The following UBAC2 variants were observed in gnomAD, a reference collection of about 807,000 sequenced individuals.
UBAC2 encodes the protein UBA domain containing 2.
Under a neutral mutation model 44.0 loss-of-function variants are expected in UBAC2, and 26 were observed. The observed-to-expected ratio is 0.59, with a 90% CI of 0.43 to 0.82. UBAC2 has a LOEUF of 0.82. Ranked by LOEUF, UBAC2 falls within the 40% of genes least tolerant of loss-of-function variation. The pLI, the probability that UBAC2 is intolerant of heterozygous loss-of-function variation, is 0.00. For synonymous variants in UBAC2, 155 were observed against 154.3 expected, an observed-to-expected ratio of 1.00 and a Z score of -0.04; for missense variants, 329 against 419.4, an observed-to-expected ratio of 0.78 and a Z score of 1.88.
At chr13:99,376,961 T>G (rs1013472751) in intron 8 of UBAC2, 3 of 152,242 alleles carry the variant, frequency 2.0e-5, no homozygotes, top group Non-Finnish European at 4.4e-5. Flanking sequence ...ACTGACGAAG[T>G]TGCAGTATGC....
At chr13:99,329,333 A>G (rs939992704) in intron 6 of UBAC2, among the ~76,000 whole-genome samples, 5 of 152,210 alleles carry the variant, frequency 3.3e-5, no homozygotes, top group Non-Finnish European at 7.3e-5. Context: ...AAAAAAGGGG[A>G]AAAGAGTTAA....
chr13:99,281,495 C>T (rs775084549), intron 4 of UBAC2, among the ~76,000 whole-genome samples: 8 of 152,164 alleles, frequency 5.3e-5, no homozygotes, highest in African/African-American at 1.9e-4. Flanking sequence ...AGCAAGCACA[C>T]GCCAGGCTCA....
intron 4 of UBAC2, among the ~76,000 whole-genome samples, chr13:99,289,178 T>G (rs900331486): frequency 2.0e-5 from 3 of 152,242 alleles, no homozygotes; most frequent in African/African-American, 7.2e-5. Context: ...AGTGTCTTTT[T>G]TCTTCCTTTG....
chr13:99,257,954 A>AT (rs920868444), intron 4 of UBAC2, among the ~76,000 whole-genome samples: 1 of 152,142 alleles, frequency 6.6e-6, no homozygotes, highest in East Asian at 1.9e-4. Flanking sequence ...AATTAAATAT[A>AT]TTTTTTTAAT....
chr13:99,378,234 C>CT (rs2045507129), intron 8 of UBAC2, among the ~76,000 whole-genome samples: 1 of 152,210 alleles, frequency 6.6e-6, no homozygotes, highest in Admixed American at 6.5e-5. Context: ...ATATTAAAAA[C>CT]TTCAATATCT....
intron 1 of UBAC2, among the ~76,000 whole-genome samples, chr13:99,208,051 G>A (rs933996043): frequency 1.4e-5 from 2 of 143,694 alleles, no homozygotes; most frequent in African/African-American, 5.2e-5. Flanking sequence ...AGGCTGGAGT[G>A]CAATGGCGTG....
chr13:99,338,039 C>CTTTTTT (rs747905404), intron 6 of UBAC2, among the ~76,000 whole-genome samples: 4 of 91,560 alleles, frequency 4.4e-5, no homozygotes, highest in African/African-American at 1.0e-4. Context: ...AACTTTTTTT[C>CTTTTTT]TTTTTTTCTT....
At chr13:99,367,145 C>T (rs1342278828) in intron 7 of UBAC2, among the ~76,000 whole-genome samples, 1 of 152,170 alleles carries the variant, frequency 6.6e-6, no homozygotes, top group Admixed American at 6.5e-5. Context: ...TGTCAGTCTT[C>T]AGGATCCGTG....
intron 1 of UBAC2, among the ~76,000 whole-genome samples, chr13:99,206,705 G>A (rs942425786): frequency 9.2e-5 from 14 of 152,326 alleles, no homozygotes; most frequent in African/African-American, 2.9e-4. Flanking sequence ...CCTTGGCACC[G>A]TTTCTCAGCT....
chr13:99,212,425 T>G (rs901988029), intron 1 of UBAC2, among the ~76,000 whole-genome samples: 6 of 152,250 alleles, frequency 3.9e-5, no homozygotes, highest in Admixed American at 3.9e-4. Context: ...TGCCATTGTT[T>G]CAGTCATTTC....
intron 2 of UBAC2, among the ~76,000 whole-genome samples, chr13:99,241,529 T>C (rs907459190): frequency 6.6e-6 from 1 of 152,100 alleles, no homozygotes; most frequent in Non-Finnish European, 1.5e-5. Flanking sequence ...ACATGAGGTA[T>C]CTAATATAAG....
At chr13:99,355,870 A>T (rs2045172962) in intron 7 of UBAC2, among the ~76,000 whole-genome samples, 1 of 152,214 alleles carries the variant, frequency 6.6e-6, no homozygotes, top group African/African-American at 2.4e-5. Context: ...TGGCTGAGCC[A>T]TGTGCATCCC....
chr13:99,268,906 C>G (rs1309945983), intron 4 of UBAC2, among the ~76,000 whole-genome samples: 4 of 152,066 alleles, frequency 2.6e-5, no homozygotes, highest in African/African-American at 9.7e-5. Context: ...GCATTGCTTA[C>G]CCCAGAGAGA....
At chr13:99,242,708 C>A (rs368541419) in intron 2 of UBAC2, among the ~76,000 whole-genome samples, 1 of 135,884 alleles carries the variant, frequency 7.4e-6, no homozygotes, top group Non-Finnish European at 1.6e-5. Flanking sequence ...CCCTCCCCGA[C>A]GGGGCGGCTG....
chr13:99,378,463 G>T (rs9517703), intron 8 of UBAC2, among the ~76,000 whole-genome samples: 3,031 of 152,252 alleles, frequency 0.02, 62 homozygotes, highest in Middle Eastern at 0.078. Context: ...GGAGGTGGAG[G>T]TTGCAGTGAG....
At chr13:99,253,500 G>T (rs1186177613) in intron 4 of UBAC2, among the ~76,000 whole-genome samples, 1 of 151,814 alleles carries the variant, frequency 6.6e-6, no homozygotes, top group Non-Finnish European at 1.5e-5. Context: ...ATTTACCTAT[G>T]TTATTTCCAG....
At chr13:99,238,054 A>G (rs529594981) in intron 1 of UBAC2, among the ~76,000 whole-genome samples, 1 of 152,390 alleles carries the variant, frequency 6.6e-6, no homozygotes, top group Admixed American at 6.5e-5. Flanking sequence ...GTATTTTTAT[A>G]TATGTATGAG....
At chr13:99,211,762 G>A (rs555776388) in intron 1 of UBAC2, among the ~76,000 whole-genome samples, 11 of 152,302 alleles carry the variant, frequency 7.2e-5, no homozygotes, top group South Asian at 2.1e-4. Context: ...GTTTATCTCC[G>A]TGTGTCTCCC....
chr13:99,338,047 CTTTTTT>C (rs869112086), intron 6 of UBAC2, among the ~76,000 whole-genome samples: 11 of 48,868 alleles, frequency 2.3e-4, no homozygotes, highest in South Asian at 1.7e-3. Context: ...TTCTTTTTTT[CTTTTTT>C]TTTTTTTTTT....
Sources: gnomAD v4.1 joint callset for allele counts (sites outside exome capture counted in the v4.1 genomes callset) on GRCh38, gnomAD v4.1.1 for gene constraint, MANE v1.5 for transcripts, NCBI Gene and HGNC (gene_info 2026-07-23, HGNC 2026-07-21) for gene names.